The following ZFR variants were observed in gnomAD, a reference collection of about 807,000 sequenced individuals.
The protein encoded by ZFR is zinc finger RNA-binding protein.
A neutral mutation model predicts 130.7 loss-of-function variants in ZFR; 19 were observed. The ratio of observed to expected loss-of-function variants is 0.15; its 90% CI spans 0.10 to 0.21. ZFR has a LOEUF of 0.21. Among genes scored for constraint, ZFR ranks in the 10% least tolerant of loss-of-function variants. The probability of loss-of-function intolerance (pLI) is 1.00; values close to 1 mark genes in which losing one functional copy is unlikely to be tolerated. For missense variants in ZFR, 872 were observed against 1,321.5 expected, an observed-to-expected ratio of 0.66 and a Z score of 5.27; for synonymous variants, 466 against 456.9, an observed-to-expected ratio of 1.02 and a Z score of -0.25.
intron 2 of ZFR, among the ~76,000 whole-genome samples, chr5:32,442,860 AGAT>A (rs1713534684): frequency 6.6e-6 from 1 of 152,194 alleles, no homozygotes; most frequent in Non-Finnish European, 1.5e-5. Context: ...CTCATTTTAC[AGAT>A]GATGAACATG....
At chr5:32,383,578 A>G (rs1042350543) in intron 15 of ZFR, among the ~76,000 whole-genome samples, 34 of 152,332 alleles carry the variant, frequency 2.2e-4, no homozygotes, top group Admixed American at 8.5e-4. Flanking sequence ...TTGGTATTAA[A>G]AAGGACCATT....
At chr5:32,378,865 T>TA (rs3833640) in intron 17 of ZFR, among the ~76,000 whole-genome samples, 91,920 of 148,560 alleles carry the variant, frequency 0.62, 28,579 homozygotes, top group African/African-American at 0.69. Flanking sequence ...GCTGTAATAT[T>TA]AAAAAAAAAA....
At chr5:32,403,533 C>A in intron 7 of ZFR, 136 bp from the exon 8 acceptor site, 1 of 1,028,026 alleles carries the variant, frequency 9.7e-7, no homozygotes. Context: ...TTTGTATATA[C>A]ACACATATAC....
At chr5:32,402,292 T>C (rs1753466417) in intron 8 of ZFR, among the ~76,000 whole-genome samples, 2 of 152,158 alleles carry the variant, frequency 1.3e-5, no homozygotes, top group South Asian at 4.1e-4. Flanking sequence ...GAGATGTATC[T>C]TAAGCCTAAA....
intron 17 of ZFR, among the ~76,000 whole-genome samples, chr5:32,373,253 C>T (rs1455659153): frequency 1.3e-5 from 2 of 152,024 alleles, no homozygotes; most frequent in African/African-American, 2.4e-5. Context: ...ATTAGTCAGG[C>T]GTGGTGGTGC....
intron 19 of ZFR, among the ~76,000 whole-genome samples, chr5:32,356,654 C>T (rs1352553480): frequency 2.6e-5 from 4 of 151,918 alleles, no homozygotes; most frequent in East Asian, 1.9e-4. Context: ...CTCCTGACCT[C>T]GTGATCCGCC....
In ZFR at chr5:32,403,317, T is replaced by C. The variant is rs1357811223; in HGVS notation, c.1305A>G (p.Thr435=). ...CAGTCGGCTTTGAAGCAGATACAGC[T>C]GTTGAAGAAGTAGCTTGGCTAACAA... ...PNVVSQATSS[T]AVSASKPTAS... Residue 435 remains threonine (T), a synonymous_variant, in exon 8 of 20, where the codon ACA becomes ACG. Coordinates refer to ENST00000265069, the MANE Select transcript of ZFR (RefSeq NM_016107.5). 2 of 1,614,224 alleles carry C rather than the reference T, an allele frequency of 1.2e-6. No homozygotes were observed. The highest frequency in any genetic ancestry group is 4.5e-5 in the East Asian group (2 of 44,878).
intron 11 of ZFR, 150 bp from the exon 12 acceptor site, chr5:32,390,587 C>T: frequency 1.3e-6 from 1 of 787,226 alleles, no homozygotes; most frequent in Non-Finnish European, 1.8e-6. Flanking sequence ...TCCATGTTTG[C>T]TTTCATTGCG....
intron 17 of ZFR, among the ~76,000 whole-genome samples, chr5:32,378,886 A>C (rs1752882412): frequency 6.6e-6 from 1 of 152,024 alleles, no homozygotes; most frequent in Admixed American, 6.6e-5. Flanking sequence ...CACTGTGAAA[A>C]CAGCAAAAAG....
At chr5:32,386,512 G>A (rs1026935788) in intron 14 of ZFR, among the ~76,000 whole-genome samples, 4 of 152,040 alleles carry the variant, frequency 2.6e-5, no homozygotes, top group African/African-American at 7.2e-5. Context: ...GGATCAAGAT[G>A]TTTCTCGCAA....
At chr5:32,361,322 C>A (rs1434895926) in intron 19 of ZFR, among the ~76,000 whole-genome samples, 1 of 152,186 alleles carries the variant, frequency 6.6e-6, no homozygotes, top group Non-Finnish European at 1.5e-5. Context: ...CATCTGTAGT[C>A]AGGACTTGAT....
chr5:32,444,198 G>A (rs746004392), intron 2 of ZFR, 31 bp downstream of exon 2: 22 of 1,591,938 alleles, frequency 1.4e-5, no homozygotes, highest in African/African-American at 4.1e-5. Context: ...GAGAGCAAGG[G>A]GCGAACAGAG....
intron 17 of ZFR, among the ~76,000 whole-genome samples, chr5:32,365,310 T>C (rs1433056053): frequency 6.6e-6 from 1 of 152,174 alleles, no homozygotes; most frequent in African/African-American, 2.4e-5. Context: ...CTCATGGACT[T>C]ATTTATCAGA....
chr5:32,432,067 C>T (rs1360144844), intron 2 of ZFR, among the ~76,000 whole-genome samples: 1 of 151,648 alleles, frequency 6.6e-6, no homozygotes, highest in Non-Finnish European at 1.5e-5. Flanking sequence ...GCGTGGCTCA[C>T]TGCAGCCTCA....
chr5:32,373,962 AAC>A (rs368885692), intron 17 of ZFR, among the ~76,000 whole-genome samples: 13 of 152,262 alleles, frequency 8.5e-5, no homozygotes, highest in African/African-American at 3.1e-4. Context: ...CTCAAAGAAG[AAC>A]ACACCCTGTG....
chr5:32,406,859 T>C lies in ZFR; in HGVS notation c.947A>G (p.Asn316Ser), dbSNP rs750907610. The change falls in exon 6 of 20, where the codon AAT becomes AGT. Residue 316 changes from asparagine to serine, a missense_variant. Around this residue, in one of 7 missense-constraint regions of ZFR, gnomAD observed 240 missense variants for 441.2 expected, o/e 0.54. Coordinates refer to ENST00000265069, the MANE Select transcript of ZFR (RefSeq NM_016107.5). ...AGGCTGTTTTGGTTTCAGTTGTTTATTTTGGAATGGTGCTTTTTTAGTAAA... is the reference window on the plus strand; with the variant it reads ...AGGCTGTTTTGGTTTCAGTTGTTTACTTTGGAATGGTGCTTTTTTAGTAAA... ...TTFTKKAPFQ[N>S]KQLKPKQPPK... 4 of 1,614,118 alleles carry C rather than the reference T, an allele frequency of 2.5e-6. No homozygotes were observed. The highest frequency in any genetic ancestry group is 1.3e-5 in the African/African-American group (1 of 75,040).
intron 17 of ZFR, among the ~76,000 whole-genome samples, chr5:32,366,783 CTTAT>C (rs1411444448): frequency 6.6e-6 from 1 of 151,452 alleles, no homozygotes; most frequent in Non-Finnish European, 1.5e-5. Context: ...AAGAGAATAA[CTTAT>C]TAAGAATTAT....
intron 2 of ZFR, among the ~76,000 whole-genome samples, chr5:32,442,185 A>G (rs1002507851): frequency 6.6e-6 from 1 of 152,228 alleles, no homozygotes; most frequent in South Asian, 2.1e-4. Context: ...CACTCAGCCC[A>G]TATGAGGAAA....
intron 2 of ZFR, among the ~76,000 whole-genome samples, chr5:32,420,446 ACTTTAGTGTTAGTTACATGTGAAGTT>A (rs1394468601): frequency 6.6e-6 from 1 of 152,164 alleles, no homozygotes; most frequent in Non-Finnish European, 1.5e-5. Context: ...CAAATTAGGA[ACTTTAGTGTTAGTTACATGTGAAGTT>A]CTTTATTATG....
Sources: gnomAD v4.1 joint callset for allele counts (sites outside exome capture counted in the v4.1 genomes callset) on GRCh38, gnomAD v4.1.1 for gene constraint, gnomAD v4.1.1 regional missense constraint, MANE v1.5 for transcripts, NCBI Gene and HGNC (gene_info 2026-07-23, HGNC 2026-07-21) for gene names.